The following LRBA variants were observed in gnomAD, a reference collection of about 807,000 sequenced individuals.
LRBA encodes the protein lipopolysaccharide-responsive and beige-like anchor protein.
A neutral mutation model predicts 330.0 loss-of-function variants in LRBA; 176 were observed. That is an observed-to-expected ratio of 0.53 (90% confidence interval 0.47 to 0.60). The LOEUF (loss-of-function observed/expected upper bound fraction) is 0.60, where lower values mean the gene tolerates loss of function less well. Ranked by LOEUF, LRBA falls within the 20% of genes least tolerant of loss-of-function variation. The pLI, the probability that LRBA is intolerant of heterozygous loss-of-function variation, is 0.00. For synonymous variants in LRBA, 1,230 were observed against 1,193.0 expected (o/e 1.03, Z -0.64); for missense variants, 3,259 against 3,444.8 (o/e 0.95, Z 1.35).
In LRBA at chr4:150,329,034, C is replaced by G. The variant is rs113597967; in HGVS notation, c.7363-3136G>C. The stretch of plus-strand genomic sequence containing the variant: ...TAACTTTAATCTTAACATTTTAATA[C>G]AAGTGGCACATTACTGAAAACTCTG... On this transcript the variant is annotated intron_variant, in intron 48 of 56. Transcript: ENST00000651943. Among the ~76,000 whole-genome samples the G allele has an allele frequency of 5.0e-3, 761 of 152,218 alleles. 7 individuals carry two copies. Among genetic ancestry groups the G allele is most frequent in the African/African-American group, 0.018 (729 of 41,546 alleles).
At position 150,639,809 on chromosome 4, in the gene LRBA, GTGTGTGTGTGTATATATATATATA is replaced by G. The variant is rs1778421020; in HGVS notation, c.5922-40702_5922-40679del. Reference sequence around the variant, plus strand: ...TGTGTGTGTATATATATATATATGTGTGTGTGTGTGTATATATATATATATATATATATATATATATATATATAT... The same window carrying G: ...TGTGTGTGTATATATATATATATGTGTATATATATATATATATATATATAT... On this transcript the variant is annotated intron_variant, in intron 37 of 56. Coordinates refer to ENST00000651943, the MANE Select transcript of LRBA (RefSeq NM_001364905.1). 2.6e-3 allele frequency among the ~76,000 whole-genome samples: 16 copies of G among 6,120 alleles called. 2 individuals carry two copies. The highest frequency in any genetic ancestry group is 0.016 in the East Asian group (4 of 250). 4.0% of individuals were successfully genotyped at this position (6,120 alleles called of 152,430 possible).
chr4:150,412,681 TTAA>T (rs1322829948), intron 47 of LRBA, among the ~76,000 whole-genome samples: 5 of 152,050 alleles, frequency 3.3e-5, no homozygotes, highest in African/African-American at 1.2e-4. Context: ...CTTTATATTA[TTAA>T]TAATACTAAC....
chr4:150,809,190 A>T (rs1743242319), intron 31 of LRBA, among the ~76,000 whole-genome samples: 1 of 152,186 alleles, frequency 6.6e-6, no homozygotes, highest in Non-Finnish European at 1.5e-5. Flanking sequence ...TATGTGAATG[A>T]CAGTATATAT....
chr4:150,746,103 CAT>C (rs1472003681), intron 35 of LRBA, among the ~76,000 whole-genome samples: 1 of 152,086 alleles, frequency 6.6e-6, no homozygotes, highest in Admixed American at 6.5e-5. Context: ...CTTATAGAAA[CAT>C]ATACAGTATT....
Position 150,914,348 on chromosome 4 carries a change from A to G in LRBA, c.1015-7T>C. ...GGAAACATTTGTCAAAGGTCTGTAA[A>G]AGAAAAAAAAAAAGGAATTAGGAAA... On this transcript the variant is annotated splice_polypyrimidine_tract_variant and splice_region_variant and intron_variant, in intron 8 of 56. Coordinates refer to ENST00000651943, the MANE Select transcript of LRBA (RefSeq NM_001364905.1). The G allele has an allele frequency of 6.7e-7, 1 of 1,498,256 alleles. No individual in the cohort carries two copies. Among genetic ancestry groups the G allele is most frequent in the East Asian group, 2.3e-5 (1 of 43,792 alleles). 92.8% of individuals were successfully genotyped at this position (1,498,256 alleles called of 1,614,324 possible).
chr4:150,793,677 C>T (rs1740328824), intron 34 of LRBA, among the ~76,000 whole-genome samples: 1 of 152,126 alleles, frequency 6.6e-6, no homozygotes, highest in Non-Finnish European at 1.5e-5. Context: ...CAACAGGCAA[C>T]TTAAATATAG....
intron 37 of LRBA, among the ~76,000 whole-genome samples, chr4:150,626,219 A>T: frequency 6.6e-6 from 1 of 152,046 alleles, no homozygotes; most frequent in East Asian, 1.9e-4. Flanking sequence ...ATGCCCAGGG[A>T]TCCTTTTGGC....
intron 36 of LRBA, among the ~76,000 whole-genome samples, chr4:150,717,201 G>A (rs62346297): frequency 0.16 from 24,324 of 152,082 alleles, 4,582 homozygotes; most frequent in African/African-American, 0.46. Context: ...ATTTACCTCA[G>A]AGGACTGTTA....
Position 150,436,503 on chromosome 4 carries a change from C to T in LRBA, c.6921+221G>A, listed in dbSNP as rs1751128790. 2.0e-5 allele frequency among the ~76,000 whole-genome samples: 3 copies of T among 152,060 alleles called. No homozygotes were observed. In the South Asian group the frequency reaches 6.2e-4, roughly 32 times the overall value. Reference sequence around the variant, plus strand: ...TGGAATCTGGTAAGACAGCAAGCATCTGAAGGGGCAAATTTAAGAAAAAAA... The same window carrying T: ...TGGAATCTGGTAAGACAGCAAGCATTTGAAGGGGCAAATTTAAGAAAAAAA... On this transcript the variant is annotated intron_variant, in intron 45 of 56. Transcript: ENST00000651943.
At chr4:150,561,302 T>C (rs1380821098) in intron 40 of LRBA, among the ~76,000 whole-genome samples, 3 of 151,970 alleles carry the variant, frequency 2.0e-5, no homozygotes, top group African/African-American at 4.8e-5. Context: ...ACCACAAAGG[T>C]ATAGTGTGGT....
intron 2 of LRBA, among the ~76,000 whole-genome samples, chr4:150,988,125 T>A (rs1248189963): frequency 1.3e-5 from 2 of 151,024 alleles, no homozygotes; most frequent in Non-Finnish European, 2.9e-5. Flanking sequence ...AAAAAAATAA[T>A]AAAGTCAAAC....
chr4:150,812,008 A>T (rs1473896092), intron 31 of LRBA, among the ~76,000 whole-genome samples: 1 of 152,188 alleles, frequency 6.6e-6, no homozygotes, highest in African/African-American at 2.4e-5. Context: ...AAGACACTTT[A>T]CCAACACGGA....
intron 28 of LRBA, among the ~76,000 whole-genome samples, chr4:150,839,312 T>G (rs908849110): frequency 1.3e-5 from 2 of 152,208 alleles, no homozygotes; most frequent in African/African-American, 4.8e-5. Context: ...AGTTCAACCA[T>G]TGTGAAGACA....
intron 22 of LRBA, among the ~76,000 whole-genome samples, chr4:150,863,919 T>C (rs1225439095): frequency 2.6e-5 from 4 of 152,146 alleles, no homozygotes; most frequent in African/African-American, 9.7e-5. Context: ...CTTTTTGGTC[T>C]CATGACACTT....
At chr4:150,834,566 T>C (rs773526431) in intron 28 of LRBA, among the ~76,000 whole-genome samples, 4 of 152,204 alleles carry the variant, frequency 2.6e-5, no homozygotes, top group Non-Finnish European at 5.9e-5. Flanking sequence ...AAACATTCAG[T>C]AAGCCATGTC....
intron 37 of LRBA, among the ~76,000 whole-genome samples, chr4:150,660,403 C>T (rs1179751900): frequency 9.3e-5 from 13 of 140,408 alleles, no homozygotes; most frequent in Non-Finnish European, 1.7e-4. Context: ...AGGTGAGGGG[C>T]GCCTCTGCCC....
intron 28 of LRBA, among the ~76,000 whole-genome samples, chr4:150,839,176 G>A (rs941755560): frequency 6.6e-6 from 1 of 152,084 alleles, no homozygotes; most frequent in African/African-American, 2.4e-5. Context: ...TGCAAATCAA[G>A]ACCACAATGA....
chr4:150,834,762 G>A (rs1011874037), intron 28 of LRBA, among the ~76,000 whole-genome samples: 8 of 152,182 alleles, frequency 5.3e-5, no homozygotes, highest in Non-Finnish European at 1.0e-4. Context: ...TAACACTGAA[G>A]CCAGGCATTG....
chr4:150,763,181 A>G (rs564021472), intron 34 of LRBA, among the ~76,000 whole-genome samples: 1 of 152,176 alleles, frequency 6.6e-6, no homozygotes, highest in South Asian at 2.1e-4. Flanking sequence ...GGCTAGAACT[A>G]GCAGAGAAGA....
Sources: allele counts gnomAD v4.1 joint callset (sites outside exome capture counted in the v4.1 genomes callset), GRCh38; gene constraint gnomAD v4.1.1; transcripts MANE v1.5; gene names NCBI Gene and HGNC (gene_info 2026-07-23, HGNC 2026-07-21).